TRPM1: variants seen among roughly 807,000 people sequenced by gnomAD.
TRPM1 encodes the protein transient receptor potential cation channel subfamily M member 1, also known as TRPM1-203 APA Isoform, Intron 10.
Under a neutral mutation model 149.4 loss-of-function variants are expected in TRPM1, and 113 were observed. The observed-to-expected ratio is 0.76, with a 90% CI of 0.65 to 0.88. The LOEUF is 0.88. TRPM1 is among the 40% of genes least tolerant of loss of function. The pLI is 0.00. For missense variants in TRPM1, 1,976 were observed against 2,038.7 expected, an observed-to-expected ratio of 0.97 and a Z score of 0.59; for synonymous variants, 741 against 759.5, an observed-to-expected ratio of 0.98 and a Z score of 0.40.
intron 1 of TRPM1, among the ~76,000 whole-genome samples, chr15:31,160,594 C>T (rs978657583): frequency 6.6e-6 from 1 of 152,242 alleles, no homozygotes; most frequent in Non-Finnish European, 1.5e-5. Context: ...AGATGCAAAA[C>T]TCCGCAACTG....
chr15:31,126,793 G>A (rs751873733), intron 1 of TRPM1, among the ~76,000 whole-genome samples: 41 of 152,170 alleles, frequency 2.7e-4, no homozygotes, highest in Admixed American at 1.4e-3. Flanking sequence ...GTGAAACCCC[G>A]TCTCTACTAA....
rs1164095601 is a variant in TRPM1, at chr15:31,042,132, C to T, written c.1906G>A (p.Glu636Lys). The T allele has an allele frequency of 4.3e-6, 7 of 1,614,070 alleles. No individual in the cohort carries two copies. The highest frequency in any genetic ancestry group is 2.2e-5 in the East Asian group (1 of 44,900). Residue 636 changes from glutamate (E) to lysine (K), a missense_variant, in exon 17 of 28, where the codon GAG becomes AAG. This residue lies in a region of TRPM1 where 1,332 missense variants were observed against 1,347.1 expected (regional missense o/e 0.99). Transcript: ENST00000256552. ...AVSRFQYPFHELMVWAVLMKR... is the reference protein window; with the variant it reads ...AVSRFQYPFHKLMVWAVLMKR... ...ATCAGCACTGCCCACACCATCAGCT[C>T]GTGGAAGGGATACTGGAACCGACTC...
intron 1 of TRPM1, among the ~76,000 whole-genome samples, chr15:31,149,131 C>T (rs1023989751): frequency 2.6e-5 from 4 of 152,164 alleles, no homozygotes; most frequent in South Asian, 4.1e-4. Context: ...CCCAGATCTA[C>T]GTGGAAGGGA....
intron 1 of TRPM1, among the ~76,000 whole-genome samples, chr15:31,110,843 TTC>T (rs202074559): frequency 2.0e-5 from 3 of 151,728 alleles, no homozygotes; most frequent in Non-Finnish European, 4.4e-5. Flanking sequence ...TCTGTTTTCT[TTC>T]TCTCTCTCTC....
In TRPM1 at chr15:31,050,433, G is replaced by A. The variant is rs1373193588; in HGVS notation, c.1413C>T (p.Pro471=). 1 of 1,614,002 alleles carries A rather than the reference G, an allele frequency of 6.2e-7. No individual in the cohort carries two copies. The highest frequency in any genetic ancestry group is 8.5e-7 in the Non-Finnish European group (1 of 1,179,988). ...CCCAGTTCAGCAGCTCTATCTTCCG[G>A]GGGTCAGTTTCTTCCTCCACTTCCT... The part of the protein sequence containing the change: ...VKEEVEEETD[P]RKIELLNWVN... Residue 471 remains proline, a synonymous_variant, in exon 12 of 28, where the codon CCC becomes CCT. Transcript: ENST00000256552.
intron 7 of TRPM1, among the ~76,000 whole-genome samples, chr15:31,065,691 A>G (rs1047947126): frequency 6.6e-6 from 1 of 152,218 alleles, no homozygotes; most frequent in Non-Finnish European, 1.5e-5. Flanking sequence ...ATATTTAATA[A>G]TCACATAATA....
At chr15:31,031,184 A>G (rs1555419474) in intron 22 of TRPM1, 27 bp from the exon 23 acceptor site, 2 of 1,614,066 alleles carry the variant, frequency 1.2e-6, no homozygotes, top group South Asian at 2.2e-5. Flanking sequence ...TTTGTCTCTC[A>G]CTGTCTTGGC....
intron 1 of TRPM1, among the ~76,000 whole-genome samples, chr15:31,084,685 TTTTTTTGAGACAGAGTCTCAC>T: frequency 6.7e-6 from 1 of 149,810 alleles, no homozygotes; most frequent in Non-Finnish European, 1.5e-5. Context: ...TCTTTTTTTT[TTTTTTTGAGACAGAGTCTCAC>T]TCTGTCGCCT....
chr15:31,056,320 C>T (rs1471854661), intron 11 of TRPM1, among the ~76,000 whole-genome samples: 1 of 152,098 alleles, frequency 6.6e-6, no homozygotes, highest in Non-Finnish European at 1.5e-5. Flanking sequence ...CCTTTGAAAG[C>T]CAGAAGAATT....
At chr15:31,113,716 A>C (rs548388557) in intron 1 of TRPM1, among the ~76,000 whole-genome samples, 1 of 152,088 alleles carries the variant, frequency 6.6e-6, no homozygotes, top group African/African-American at 2.4e-5. Context: ...ATTCCGGTGG[A>C]TTTCTGGTCC....
intron 27 of TRPM1, among the ~76,000 whole-genome samples, chr15:31,018,455 C>G (rs1365256756): frequency 6.7e-6 from 1 of 149,586 alleles, no homozygotes; most frequent in Admixed American, 6.6e-5. Flanking sequence ...TTCACTGCAA[C>G]CTATGCCTCC....
In TRPM1 at chr15:31,067,795, C is replaced by G. The variant is rs939983070; in HGVS notation, c.493+84G>C. On this transcript the variant is annotated intron_variant, in intron 5 of 27. Coordinates refer to ENST00000256552, the MANE Select transcript of TRPM1 (RefSeq NM_001252024.2). ...TCAGGATGCAATATGTTTTGTTGTC[C>G]TTAGTTATTAGGAAGCTCTTTGGGG... is the stretch of plus-strand genomic sequence containing the variant. 6 of 1,340,178 alleles carry G rather than the reference C, an allele frequency of 4.5e-6. No homozygotes were observed. In the African/African-American group the frequency reaches 7.2e-5, roughly 16 times the overall value. 83.0% of individuals were successfully genotyped at this position (1,340,178 alleles called of 1,614,324 possible).
chr15:31,068,809 G>A (rs941317575), intron 4 of TRPM1, among the ~76,000 whole-genome samples: 2 of 150,012 alleles, frequency 1.3e-5, no homozygotes, highest in Non-Finnish European at 3.0e-5. Flanking sequence ...TGCCATGTGA[G>A]GACACAGCAA....
chr15:31,074,153 A>T (rs370382285), intron 3 of TRPM1, among the ~76,000 whole-genome samples: 16 of 152,050 alleles, frequency 1.1e-4, no homozygotes, highest in African/African-American at 3.1e-4. Flanking sequence ...ATTGATCTAT[A>T]GTTTTCTATC....
chr15:31,069,564 C>T (rs1383134632), intron 4 of TRPM1: 2 of 1,207,918 alleles, frequency 1.7e-6, no homozygotes, highest in Non-Finnish European at 2.1e-6. Flanking sequence ...GCAGAGGGCA[C>T]TCCCTGTTTA....
In TRPM1 at chr15:31,067,197, G is replaced by A. The variant is rs375825794; in HGVS notation, c.494-10C>T. The A allele has an allele frequency of 3.3e-5, 54 of 1,613,962 alleles. No individual in the cohort carries two copies. The highest frequency in any genetic ancestry group is 4.3e-5 in the Non-Finnish European group (51 of 1,180,004). ...ACGTGGCTGATAACACCTGTGAGCA[G>A]CCATTGGTCATATTTTAGGCTCTTT... On this transcript the variant is annotated splice_polypyrimidine_tract_variant and intron_variant, in intron 5 of 27. Transcript: ENST00000256552.
chr15:31,002,647 G>T lies in TRPM1; in HGVS notation c.4053C>A (p.Gly1351=), dbSNP rs780581466. The T allele has an allele frequency of 1.4e-5, 23 of 1,614,066 alleles. No homozygotes were observed. Among genetic ancestry groups the T allele is most frequent in the Middle Eastern group, 3.3e-4 (2 of 6,084 alleles). ...ECQNSLHLSL[G]TSTSATPDGS... The stretch of plus-strand genomic sequence containing the variant: ...CATCTGGGGTTGCTGATGTGCTTGT[G>T]CCCAGTGAAAGGTGAAGACTGTTCT... The change falls in exon 28 of 28, where the codon GGC becomes GGA. Residue 1351 remains glycine (G), a synonymous_variant. Coordinates refer to ENST00000256552, the MANE Select transcript of TRPM1 (RefSeq NM_001252024.2).
chr15:31,066,007 C>T, intron 7 of TRPM1, 69 bp downstream of exon 7: 2 of 1,561,424 alleles, frequency 1.3e-6, no homozygotes, highest in Non-Finnish European at 1.7e-6. Flanking sequence ...CAATCAATCT[C>T]CTTCTCAGCC....
chr15:31,052,835 A>G (rs566849652), intron 11 of TRPM1, among the ~76,000 whole-genome samples: 3 of 152,256 alleles, frequency 2.0e-5, no homozygotes, highest in Admixed American at 6.5e-5. Context: ...CAAAAATATC[A>G]CTATATTGGA....
Sources: allele counts gnomAD v4.1 joint callset (sites outside exome capture counted in the v4.1 genomes callset), GRCh38; gene constraint gnomAD v4.1.1; regional missense constraint gnomAD v4.1.1; transcripts MANE v1.5; gene names NCBI Gene and HGNC (gene_info 2026-07-23, HGNC 2026-07-21).